The following NR1H4 variants were observed in gnomAD, a reference collection of about 807,000 sequenced individuals.
NR1H4 encodes the protein bile acid receptor.
NR1H4 carries 23 observed loss-of-function variants against 58.5 expected under a neutral mutation model. The ratio of observed to expected loss-of-function variants is 0.39; its 90% CI spans 0.28 to 0.56. NR1H4 has a LOEUF of 0.56. Among genes scored for constraint, NR1H4 ranks in the 20% least tolerant of loss-of-function variants. The probability of loss-of-function intolerance (pLI) is 0.58; values close to 1 mark genes in which losing one functional copy is unlikely to be tolerated. For missense variants in NR1H4, 487 were observed against 576.9 expected, an observed-to-expected ratio of 0.84 and a Z score of 1.60; for synonymous variants, 214 against 198.0, an observed-to-expected ratio of 1.08 and a Z score of -0.68.
In NR1H4 at chr12:100,521,127, A is replaced by T. The variant is rs181107889; in HGVS notation, c.445+9984A>T. On this transcript the variant is annotated intron_variant, in intron 4 of 10. Coordinates refer to ENST00000392986, the MANE Select transcript of NR1H4 (RefSeq NM_001206979.2). ...AAACAAAGAAAACACAAGAGAATTT[A>T]AAAAAAAAAAGCAACCTTAGAAACA... Among the ~76,000 whole-genome samples the T allele has an allele frequency of 6.6e-3, 970 of 146,066 alleles. 13 individuals are homozygous for T. Among genetic ancestry groups the T allele is most frequent in the African/African-American group, 0.022 (873 of 40,120 alleles).
chr12:100,521,762 T>C (rs1954425208), intron 4 of NR1H4, among the ~76,000 whole-genome samples: 1 of 152,326 alleles, frequency 6.6e-6, no homozygotes, highest in South Asian at 2.1e-4. Flanking sequence ...TATGGACATT[T>C]GTGAAAGCTG....
intron 3 of NR1H4, among the ~76,000 whole-genome samples, chr12:100,510,196 AG>A (rs1954071213): frequency 6.6e-6 from 1 of 152,210 alleles, no homozygotes; most frequent in Non-Finnish European, 1.5e-5. Flanking sequence ...TTTTTCATAG[AG>A]GTTCAAGCAT....
chr12:100,545,218 T>G (rs1011831003), intron 9 of NR1H4, among the ~76,000 whole-genome samples: 1 of 152,016 alleles, frequency 6.6e-6, no homozygotes, highest in African/African-American at 2.4e-5. Flanking sequence ...ACTGGGTTAG[T>G]ACCAGATTCC....
intron 3 of NR1H4, among the ~76,000 whole-genome samples, chr12:100,508,053 G>A (rs1220613071): frequency 6.6e-6 from 1 of 151,736 alleles, no homozygotes; most frequent in Non-Finnish European, 1.5e-5. Context: ...GCCCAGGTAG[G>A]GTAAGTAATG....
chr12:100,508,229 A>T lies in NR1H4; in HGVS notation c.80-2549A>T, dbSNP rs1954015559. On this transcript the variant is annotated intron_variant, in intron 3 of 10. Transcript: ENST00000392986. ...GAAGGGGTTGGCTGTGTTGAGAACC[A>T]TTTCAGGCTCAGGAAGCAGCAGGTG... is the stretch of plus-strand genomic sequence containing the variant. Among the ~76,000 whole-genome samples, 7 of 152,174 alleles carry T rather than the reference A, an allele frequency of 4.6e-5. No individual in the cohort carries two copies. In the South Asian group the frequency reaches 1.5e-3, roughly 32 times the overall value.
chr12:100,536,611 G>T lies in NR1H4; in HGVS notation c.831+1G>T, dbSNP rs1555335782. The T allele has an allele frequency of 6.9e-7, 1 of 1,453,606 alleles. No homozygotes were observed. The highest frequency in any genetic ancestry group is 9.7e-7 in the Non-Finnish European group (1 of 1,034,240). 90.0% of individuals were successfully genotyped at this position (1,453,606 alleles called of 1,614,324 possible). A position where few individuals can be genotyped will look rare whatever the true frequency, so the allele number is the denominator to read the frequency against. ...GCCTCAGGAAATAACAAATAAAATTGTATGTATAATATCTGAAAATATGTG... is the reference window on the plus strand; with the variant it reads ...GCCTCAGGAAATAACAAATAAAATTTTATGTATAATATCTGAAAATATGTG... On this transcript the variant is annotated splice_donor_variant, in intron 7 of 10. Coordinates refer to ENST00000392986, the MANE Select transcript of NR1H4 (RefSeq NM_001206979.2). LOFTEE classifies it high-confidence loss of function.
intron 1 of NR1H4, among the ~76,000 whole-genome samples, chr12:100,486,250 T>C (rs780370276): frequency 1.3e-5 from 2 of 152,236 alleles, no homozygotes; most frequent in Admixed American, 6.5e-5. Flanking sequence ...AAAGCTATTA[T>C]TTCTGCATAT....
chr12:100,505,981 T>A (rs1221724622), intron 3 of NR1H4, among the ~76,000 whole-genome samples: 1 of 148,634 alleles, frequency 6.7e-6, no homozygotes. Context: ...ACACAGTGAC[T>A]GCTAAATAGC....
At chr12:100,559,387 A>G (rs1955408637) in intron 9 of NR1H4, among the ~76,000 whole-genome samples, 1 of 152,158 alleles carries the variant, frequency 6.6e-6, no homozygotes, top group Non-Finnish European at 1.5e-5. Context: ...GGAGGGAGAG[A>G]CGCGAGCGGG....
chr12:100,484,893 T>C (rs192359767), intron 1 of NR1H4, among the ~76,000 whole-genome samples: 271 of 152,294 alleles, frequency 1.8e-3, no homozygotes, highest in African/African-American at 6.3e-3. Context: ...TTAAGAATGG[T>C]GTGTAGCAAG....
intron 9 of NR1H4, among the ~76,000 whole-genome samples, chr12:100,552,788 G>A (rs747938488): frequency 5.9e-5 from 9 of 152,082 alleles, no homozygotes; most frequent in Non-Finnish European, 1.2e-4. Flanking sequence ...ATGTGGTGGT[G>A]CATACCTGTA....
chr12:100,508,039 G>A (rs1343650547), intron 3 of NR1H4, among the ~76,000 whole-genome samples: 2 of 151,796 alleles, frequency 1.3e-5, no homozygotes, highest in East Asian at 3.9e-4. Context: ...ATGAACAGAG[G>A]GAGGCCCAGG....
chr12:100,534,501 G>T (rs1032012041), intron 5 of NR1H4, among the ~76,000 whole-genome samples: 1 of 152,192 alleles, frequency 6.6e-6, no homozygotes, highest in Non-Finnish European at 1.5e-5. Context: ...CAGGAACAGG[G>T]AGAGTGTCAT....
At chr12:100,518,976 C>A (rs182131603) in intron 4 of NR1H4, among the ~76,000 whole-genome samples, 22 of 151,784 alleles carry the variant, frequency 1.4e-4, no homozygotes, top group Middle Eastern at 3.4e-3. Context: ...TTAGTAGAGA[C>A]GGGGTTTCAC....
chr12:100,500,959 C>T (rs924586003), intron 3 of NR1H4, among the ~76,000 whole-genome samples: 12 of 151,892 alleles, frequency 7.9e-5, no homozygotes, highest in Admixed American at 6.6e-4. Context: ...CTGTTTTAGA[C>T]AGCAGAGATA....
intron 4 of NR1H4, among the ~76,000 whole-genome samples, chr12:100,514,924 A>G (rs970228696): frequency 7.9e-5 from 12 of 152,150 alleles, no homozygotes; most frequent in African/African-American, 2.9e-4. Flanking sequence ...CTACAAAACC[A>G]ATAAAATAAT....
At position 100,532,427 on chromosome 12, in the gene NR1H4, C is replaced by T. The variant is rs527398392; in HGVS notation, c.446-31C>T. 9.9e-6 allele frequency: 16 copies of T among 1,612,946 alleles called. No individual in the cohort carries two copies. The African/African-American group carries it at 1.7e-4, about 17-fold the overall frequency. ...TTTTTCCTGAGAAGCTGTGAGAGGA[C>T]TTTTTACACTTTTCAGTGTTTCTCC... On this transcript the variant is annotated intron_variant, in intron 4 of 10. Transcript: ENST00000392986.
intron 3 of NR1H4, among the ~76,000 whole-genome samples, chr12:100,496,812 T>C (rs1002601170): frequency 1.3e-4 from 20 of 152,080 alleles, no homozygotes; most frequent in African/African-American, 4.8e-4. Flanking sequence ...TGAAGACAAA[T>C]ACAGACAAGC....
At position 100,540,718 on chromosome 12, in the gene NR1H4, G is replaced by T. The variant is rs1954914615; in HGVS notation, c.978G>T (p.Gly326=). The part of the protein sequence containing the change: ...DHEDQIALLK[G]SAVEAMFLRS... ...AAGACCAGATTGCTTTGCTGAAAGG[G>T]TCTGCGGTTGAAGCTATGTTCCTTC... Residue 326 remains glycine, a synonymous_variant, in exon 9 of 11, where the codon GGG becomes GGT. Coordinates refer to ENST00000392986, the MANE Select transcript of NR1H4 (RefSeq NM_001206979.2). 1 of 1,614,134 alleles carries T rather than the reference G, an allele frequency of 6.2e-7. No homozygotes were observed. Among genetic ancestry groups the T allele is most frequent in the Non-Finnish European group, 8.5e-7 (1 of 1,179,998 alleles).
Sources: gnomAD v4.1 joint callset for allele counts (sites outside exome capture counted in the v4.1 genomes callset) on GRCh38, gnomAD v4.1.1 for gene constraint, MANE v1.5 for transcripts, NCBI Gene and HGNC (gene_info 2026-07-23, HGNC 2026-07-21) for gene names.